The following TSPAN5 variants were observed in gnomAD, a reference collection of about 807,000 sequenced individuals.
TSPAN5 encodes tetraspanin-5.
Under a neutral mutation model 37.1 loss-of-function variants are expected in TSPAN5, and 10 were observed. That is an observed-to-expected ratio of 0.27 (90% CI 0.17 to 0.46). TSPAN5 has a LOEUF of 0.46. Ranked by LOEUF, TSPAN5 falls within the 20% of genes least tolerant of loss-of-function variation. The probability of loss-of-function intolerance (pLI) is 1.00; values close to 1 mark genes in which losing one functional copy is unlikely to be tolerated. For synonymous variants in TSPAN5, 110 were observed against 118.9 expected, an observed-to-expected ratio of 0.93 and a Z score of 0.48; for missense variants, 195 against 326.6, an observed-to-expected ratio of 0.60 and a Z score of 3.11.
rs1290419228 is a variant in TSPAN5, at chr4:98,572,696, TA to T, written c.82-64969del. The stretch of plus-strand genomic sequence containing the variant: ...GTCCAAAATAACACAATCCTAGCAC[TA>T]GCTGAGGTTTTAGTGTGCTCCCCTT... On this transcript the variant is annotated intron_variant, in intron 1 of 7. Coordinates refer to ENST00000305798, the MANE Select transcript of TSPAN5 (RefSeq NM_005723.4). Among the ~76,000 whole-genome samples, 15 of 152,374 alleles carry T rather than the reference TA, an allele frequency of 9.8e-5. 1 individual carries two copies. In the East Asian group the frequency reaches 2.1e-3, roughly 22 times the overall value.
chr4:98,533,451 C>G (rs1325520145), intron 1 of TSPAN5, among the ~76,000 whole-genome samples: 1 of 149,252 alleles, frequency 6.7e-6, no homozygotes, highest in Non-Finnish European at 1.5e-5. Flanking sequence ...TCCATTATTA[C>G]AGGTTTTCTC....
In TSPAN5 at chr4:98,594,277, G is replaced by T. The variant is rs560402599; in HGVS notation, c.81+63869C>A. On this transcript the variant is annotated intron_variant, in intron 1 of 7. Coordinates refer to ENST00000305798, the MANE Select transcript of TSPAN5 (RefSeq NM_005723.4). ...GTGTATAAGAATGCTTGTGATTTTT[G>T]TACATTGATTTTGTATCCTGAGACT... Among the ~76,000 whole-genome samples, 296 of 122,982 alleles carry T rather than the reference G, an allele frequency of 2.4e-3. 42 individuals carry two copies. Among genetic ancestry groups the T allele is most frequent in the Middle Eastern group, 0.023 (6 of 266 alleles). 80.7% of individuals were successfully genotyped at this position (122,982 alleles called of 152,430 possible).
At chr4:98,602,637 C>T (rs372882539) in intron 1 of TSPAN5, among the ~76,000 whole-genome samples, 43 of 152,298 alleles carry the variant, frequency 2.8e-4, no homozygotes, top group African/African-American at 1.0e-3. Flanking sequence ...TGTTCTGTTT[C>T]CAAAACTACA....
At chr4:98,589,283 T>C (rs1487377550) in intron 1 of TSPAN5, among the ~76,000 whole-genome samples, 1 of 152,192 alleles carries the variant, frequency 6.6e-6, no homozygotes, top group Admixed American at 6.5e-5. Flanking sequence ...ATATTTGCAT[T>C]ATAATATTTC....
chr4:98,549,661 TG>T (rs556768108), intron 1 of TSPAN5, among the ~76,000 whole-genome samples: 2 of 152,198 alleles, frequency 1.3e-5, no homozygotes, highest in African/African-American at 2.4e-5. Flanking sequence ...TTTTCATGTT[TG>T]TTGGCCACTT....
At chr4:98,638,617 A>G (rs914087589) in intron 1 of TSPAN5, among the ~76,000 whole-genome samples, 2 of 152,242 alleles carry the variant, frequency 1.3e-5, no homozygotes, top group African/African-American at 4.8e-5. Flanking sequence ...GTATGGGGCA[A>G]GGGACATGGC....
At position 98,606,901 on chromosome 4, in the gene TSPAN5, C is replaced by T. The variant is rs17027852; in HGVS notation, c.81+51245G>A. Reference sequence around the variant, plus strand: ...GAGTAGTCACAAAGTAAATTATGTGCAAGAAGGTGAAAGAAAGAGTACTTC... The same window carrying T: ...GAGTAGTCACAAAGTAAATTATGTGTAAGAAGGTGAAAGAAAGAGTACTTC... On this transcript the variant is annotated intron_variant, in intron 1 of 7. Coordinates refer to ENST00000305798, the MANE Select transcript of TSPAN5 (RefSeq NM_005723.4). Among the ~76,000 whole-genome samples the T allele has an allele frequency of 7.2e-3, 1,092 of 152,146 alleles. 13 individuals are homozygous for T. The highest frequency in any genetic ancestry group is 0.025 in the African/African-American group (1,043 of 41,496).
At chr4:98,561,340 G>A (rs535997880) in intron 1 of TSPAN5, among the ~76,000 whole-genome samples, 3 of 152,282 alleles carry the variant, frequency 2.0e-5, no homozygotes, top group South Asian at 2.1e-4. Flanking sequence ...ACCTGAGGTC[G>A]GGAGTTCAAG....
chr4:98,567,405 CCTTA>C (rs962630849), intron 1 of TSPAN5, among the ~76,000 whole-genome samples: 1 of 152,142 alleles, frequency 6.6e-6, no homozygotes, highest in Non-Finnish European at 1.5e-5. Flanking sequence ...AAAATATATT[CCTTA>C]CTATGGGACA....
At chr4:98,645,717 A>C (rs1385309825) in intron 1 of TSPAN5, among the ~76,000 whole-genome samples, 1 of 152,196 alleles carries the variant, frequency 6.6e-6, no homozygotes. Flanking sequence ...ACCAGGAAGT[A>C]ACATGGTTCG....
At chr4:98,611,104 G>A (rs1295305246) in intron 1 of TSPAN5, among the ~76,000 whole-genome samples, 1 of 152,272 alleles carries the variant, frequency 6.6e-6, no homozygotes, top group East Asian at 1.9e-4. Flanking sequence ...GAAGGCAGAG[G>A]AACTCCTCCA....
At chr4:98,621,783 T>C (rs1425082742) in intron 1 of TSPAN5, among the ~76,000 whole-genome samples, 2 of 151,252 alleles carry the variant, frequency 1.3e-5, no homozygotes, top group African/African-American at 4.8e-5. Flanking sequence ...GGAGACCTCA[T>C]TCCCACCCCC....
chr4:98,551,841 G>A (rs1754625666), intron 1 of TSPAN5, among the ~76,000 whole-genome samples: 1 of 151,954 alleles, frequency 6.6e-6, no homozygotes, highest in African/African-American at 2.4e-5. Flanking sequence ...ACTGCATCTG[G>A]TCCTGGGCTT....
chr4:98,647,526 C>A (rs893853110), intron 1 of TSPAN5, among the ~76,000 whole-genome samples: 1 of 152,102 alleles, frequency 6.6e-6, no homozygotes, highest in Non-Finnish European at 1.5e-5. Flanking sequence ...AGCCTTAGTG[C>A]CAAGTGTAAT....
chr4:98,586,366 C>T (rs1470836429), intron 1 of TSPAN5, among the ~76,000 whole-genome samples: 2 of 152,166 alleles, frequency 1.3e-5, no homozygotes, highest in African/African-American at 4.8e-5. Flanking sequence ...CATTAACTGA[C>T]TTGTCTGTGT....
At chr4:98,599,427 T>C (rs935970444) in intron 1 of TSPAN5, among the ~76,000 whole-genome samples, 1 of 151,436 alleles carries the variant, frequency 6.6e-6, no homozygotes, top group African/African-American at 2.5e-5. Context: ...AAAGAAACTT[T>C]TTAAAAAAAT....
intron 1 of TSPAN5, among the ~76,000 whole-genome samples, chr4:98,598,169 C>A (rs181340010): frequency 9.5e-5 from 13 of 137,038 alleles, no homozygotes; most frequent in African/African-American, 4.0e-4. Context: ...GTCTGAAAAG[C>A]GCAATATTCG....
intron 1 of TSPAN5, among the ~76,000 whole-genome samples, chr4:98,542,199 T>C (rs1754374509): frequency 6.6e-6 from 1 of 152,196 alleles, no homozygotes; most frequent in Non-Finnish European, 1.5e-5. Flanking sequence ...CCCACCTAAG[T>C]GTGAGCTACC....
chr4:98,575,884 C>G (rs997031284), intron 1 of TSPAN5, among the ~76,000 whole-genome samples: 6 of 151,484 alleles, frequency 4.0e-5, no homozygotes, highest in African/African-American at 1.5e-4. Context: ...ATCTGGCCAA[C>G]ATGGTGAAAC....
Sources: gnomAD v4.1 joint callset for allele counts (sites outside exome capture counted in the v4.1 genomes callset) on GRCh38, gnomAD v4.1.1 for gene constraint, MANE v1.5 for transcripts, NCBI Gene and HGNC (gene_info 2026-07-23, HGNC 2026-07-21) for gene names.